ASGR1: variants seen among roughly 807,000 people sequenced by gnomAD.
ASGR1 encodes C-type lectin domain family 4 member H1.
Under a neutral mutation model 33.1 loss-of-function variants are expected in ASGR1, and 35 were observed. The observed-to-expected ratio is 1.06, with a 90% CI of 0.81 to 1.40. The LOEUF (loss-of-function observed/expected upper bound fraction) is 1.40, where lower values mean the gene tolerates loss of function less well. Among genes scored for constraint, ASGR1 ranks in the 40% most tolerant of loss-of-function variants. The pLI is 0.00. For missense variants in ASGR1, 396 were observed against 373.7 expected, an observed-to-expected ratio of 1.06 and a Z score of -0.49; for synonymous variants, 142 against 152.5, an observed-to-expected ratio of 0.93 and a Z score of 0.51.
rs372329653 is a variant in ASGR1 at position 7,176,439 on chromosome 17, TCTCA to T, written c.355+387_355+390del. 6.8e-3 allele frequency among the ~76,000 whole-genome samples: 858 copies of T among 126,802 alleles called. 11 individuals are homozygous for T. The highest frequency in any genetic ancestry group is 0.028 in the African/African-American group (809 of 28,802). The allele number at this position is 126,802 out of a possible 152,430, so 83.2% of individuals were successfully genotyped here. On this transcript the variant is annotated intron_variant, in intron 5 of 8. Transcript: ENST00000269299. The stretch of plus-strand genomic sequence containing the variant: ...CAGACACACTCCGTCATTCTCACAC[TCTCA>T]CACACACTCCCTCTCATTCCCACAG...
chr17:7,178,738 C>CTT (rs573140945), intron 1 of ASGR1, 150 bp from the exon 2 acceptor site: 426 of 90,794 alleles, frequency 4.7e-3, no homozygotes, highest in East Asian at 0.021. Context: ...TTTTTCTTTT[C>CTT]TTTTTTTTTT....
In ASGR1 at chr17:7,177,346, C is replaced by G; in HGVS notation, c.71-20G>C. The stretch of plus-strand genomic sequence containing the variant: ...GTGGCCCTGCAAGAGGAGGGGGTGT[C>G]AGGAGCGCGGGGACAGAGGGGACCC... On this transcript the variant is annotated intron_variant, in intron 2 of 8. Transcript: ENST00000269299. 1 of 1,607,430 alleles carries G rather than the reference C, an allele frequency of 6.2e-7. No homozygotes were observed. The highest frequency in any genetic ancestry group is 1.1e-5 in the South Asian group (1 of 90,732).
Position 7,173,869 on chromosome 17 carries a change from G to A in ASGR1, c.702-36C>T, listed in dbSNP as rs2069162903. 6 of 1,607,024 alleles carry A rather than the reference G, an allele frequency of 3.7e-6. No individual in the cohort carries two copies. Among genetic ancestry groups the A allele is most frequent in the Non-Finnish European group, 5.1e-6 (6 of 1,177,066 alleles). ...AGCCAGCTGTGGGCCCCAGGAGGTC[G>A]GATCCGCAGGCGGGTCGCTCCAGAC... On this transcript the variant is annotated intron_variant, in intron 8 of 8. Coordinates refer to ENST00000269299, the MANE Select transcript of ASGR1 (RefSeq NM_001671.5). The surrounding 1 kb of genome is among the most constrained non-coding windows in gnomAD (Gnocchi z 4.7).
rs751405683 is a variant in ASGR1 at position 7,174,475 on chromosome 17, C to T, written c.356-15G>A. On this transcript the variant is annotated splice_polypyrimidine_tract_variant and intron_variant, in intron 5 of 8. Coordinates refer to ENST00000269299, the MANE Select transcript of ASGR1 (RefSeq NM_001671.5). ...GCTGGAGTGATCTGGGGAGACCGGG[C>T]GGAGGGGAGCGGGAGGAGATGCGGA... The T allele has an allele frequency of 2.5e-6, 4 of 1,608,168 alleles. No homozygotes were observed. The highest frequency in any genetic ancestry group is 1.1e-5 in the South Asian group (1 of 90,416).
chr17:7,176,789 CTTT>C (rs745748253), intron 5 of ASGR1, 38 bp downstream of exon 5: 4 of 1,585,482 alleles, frequency 2.5e-6, no homozygotes, highest in African/African-American at 3.0e-5. Flanking sequence ...TTCTCACTCT[CTTT>C]CACACACACA....
At chr17:7,174,518 C>A in intron 5 of ASGR1, 58 bp from the exon 6 acceptor site, 1 of 1,552,562 alleles carries the variant, frequency 6.4e-7, no homozygotes, top group Non-Finnish European at 8.8e-7. Flanking sequence ...GGGAGGGAAA[C>A]GGGAAACGAG....
intron 2 of ASGR1, chr17:7,177,536 GCC>G (rs1567794547): frequency 3.9e-5 from 21 of 538,296 alleles, no homozygotes; most frequent in African/African-American, 3.4e-4. Flanking sequence ...TAAGCGCTGA[GCC>G]GCCCCATCCC....
chr17:7,176,157 A>G (rs533673882), intron 5 of ASGR1, among the ~76,000 whole-genome samples: 1 of 141,798 alleles, frequency 7.1e-6, no homozygotes, highest in Admixed American at 7.1e-5. Flanking sequence ...ATTCTCACAC[A>G]CAGACACACA....
At chr17:7,176,718 A>ACT (rs1177222137) in intron 5 of ASGR1, 112 bp downstream of exon 5, 1 of 1,442,802 alleles carries the variant, frequency 6.9e-7, no homozygotes, top group Admixed American at 1.8e-5. Flanking sequence ...ACACACACAC[A>ACT]CTCCCTCTCA....
Position 7,173,816 on chromosome 17 carries a change from T to C in ASGR1, c.719A>G (p.Gln240Arg). Residue 240 changes from glutamine to arginine, a missense_variant, in exon 9 of 9, where the codon CAG (glutamine) becomes CGG (arginine). Gln to Arg is a conservative substitution (Grantham distance 43). Transcript: ENST00000269299. This position sits in a 1 kb window ranked among gnomAD's most constrained non-coding sequence, Gnocchi z 4.7. The stretch of plus-strand genomic sequence containing the variant: ...CCCGTGGCCGTACCAGTCGTCCGGC[T>C]GCTCCGGCCTCCAGTTCCTGGGGAC... Reference protein sequence around the residue: ...ETGFKNWRPEQPDDWYGHGLG... With the variant: ...ETGFKNWRPERPDDWYGHGLG... 6.2e-7 allele frequency: 1 copy of C among 1,610,922 alleles called. No homozygotes were observed. Among genetic ancestry groups the C allele is most frequent in the Non-Finnish European group, 8.5e-7 (1 of 1,179,482 alleles).
At position 7,173,451 on chromosome 17, in the gene ASGR1, C is replaced by T. The variant is rs942980166; in HGVS notation, c.*208G>A. The T allele has an allele frequency of 9.3e-6, 5 of 535,446 alleles. No individual in the cohort carries two copies. In the East Asian group the frequency reaches 1.2e-4, roughly 13 times the overall value. 33.2% of individuals were successfully genotyped at this position (535,446 alleles called of 1,614,324 possible). ...GAAGGTTTAGGTATATTTCTTTTTA[C>T]TCTTAAAAAAAAAAAGTTCACAATG... On this transcript the variant is annotated 3_prime_UTR_variant, in exon 9 of 9. Coordinates refer to ENST00000269299, the MANE Select transcript of ASGR1 (RefSeq NM_001671.5). This position sits in a 1 kb window ranked among gnomAD's most constrained non-coding sequence, Gnocchi z 4.7.
At chr17:7,176,615 G>A (rs1250097213) in intron 5 of ASGR1, 5 of 612,210 alleles carry the variant, frequency 8.2e-6, no homozygotes, top group South Asian at 5.7e-5. Context: ...CACACTCACA[G>A]ACATACACAC....
At chr17:7,177,627 C>T (rs1009861581) in intron 2 of ASGR1, 1 of 309,300 alleles carries the variant, frequency 3.2e-6, no homozygotes, top group Non-Finnish European at 6.0e-6. Flanking sequence ...CAGTCCACCC[C>T]CTCCTCCCGC....
Position 7,177,073 on chromosome 17 carries a change from G to C in ASGR1, c.191C>G (p.Ser64Cys). The change falls in exon 4 of 9, where the codon TCC becomes TGC. Residue 64 changes from serine to cysteine, a missense_variant. By Grantham distance (112) the Ser-to-Cys change is moderately radical. Coordinates refer to ENST00000269299, the MANE Select transcript of ASGR1 (RefSeq NM_001671.5). ...GCCCCGCAGCTCCTCCTGCAGCTGG[G>C]AGTCTGGCCAGGACAGCGTGCAGAG... ...VVVCVIGSQN[S>C]QLQEELRGLR... The C allele has an allele frequency of 6.2e-7, 1 of 1,613,808 alleles. No homozygotes were observed. Among genetic ancestry groups the C allele is most frequent in the Non-Finnish European group, 8.5e-7 (1 of 1,180,012 alleles).
At chr17:7,178,360 C>A (rs2069240153) in intron 2 of ASGR1, 134 bp downstream of exon 2, 1 of 944,338 alleles carries the variant, frequency 1.1e-6, no homozygotes, top group Non-Finnish European at 1.7e-6. Flanking sequence ...AGTTCCGACA[C>A]CTTTCCCAGT....
chr17:7,173,976 T>A lies in ASGR1; in HGVS notation c.686A>T (p.Tyr229Phe), dbSNP rs756483196. The A allele has an allele frequency of 6.2e-7, 1 of 1,614,070 alleles. No individual in the cohort carries two copies. Among genetic ancestry groups the A allele is most frequent in the Non-Finnish European group, 8.5e-7 (1 of 1,179,998 alleles). Residue 229 changes from tyrosine to phenylalanine, a missense_variant, in exon 8 of 9, where the codon TAC becomes TTC. Physicochemically the swap from Tyr to Phe is conservative, Grantham distance 22 (BLOSUM62 3). Transcript: ENST00000269299. This position sits in a 1 kb window ranked among gnomAD's most constrained non-coding sequence, Gnocchi z 4.7. ...GPWKWVDGTD[Y>F]ETGFKNWRPE... ...GCGCACTCACTTGAAGCCCGTCTCG[T>A]AGTCCGTCCCGTCCACCCACTTCCA...
chr17:7,173,720 G>C lies in ASGR1; in HGVS notation c.815C>G (p.Pro272Arg). Residue 272 changes from proline to arginine, a missense_variant, in exon 9 of 9, where the codon CCC becomes CGC. By Grantham distance (103) the Pro-to-Arg change is moderately radical. Transcript: ENST00000269299. The surrounding 1 kb of genome is among the most constrained non-coding windows in gnomAD (Gnocchi z 4.7). ...GRWNDDVCQR[P>R]YRWVCETELD... ...CTCTGTCTCGCAGACCCAGCGGTAGGGCCTCTGGCAGACGTCGTCGTTCCA... is the reference window on the plus strand; with the variant it reads ...CTCTGTCTCGCAGACCCAGCGGTAGCGCCTCTGGCAGACGTCGTCGTTCCA... The C allele has an allele frequency of 1.2e-6, 2 of 1,613,890 alleles. 1 individual carries two copies. The highest frequency in any genetic ancestry group is 1.7e-6 in the Non-Finnish European group (2 of 1,180,034).
chr17:7,178,687 A>ATCATGGAG, intron 1 of ASGR1, 99 bp from the exon 2 acceptor site: 1 of 666,736 alleles, frequency 1.5e-6, no homozygotes, highest in South Asian at 2.4e-5. Context: ...TGACGGCTCC[A>ATCATGGAG]TCATGGAGAC....
chr17:7,176,103 CTCTCAT>C, intron 5 of ASGR1, among the ~76,000 whole-genome samples: 1 of 150,574 alleles, frequency 6.6e-6, no homozygotes, highest in Admixed American at 6.6e-5. Flanking sequence ...CACACACTCC[CTCTCAT>C]TCTCACACTC....
Sources: gnomAD v4.1 joint callset for allele counts (sites outside exome capture counted in the v4.1 genomes callset) on GRCh38, gnomAD v4.1.1 for gene constraint, Gnocchi (gnomAD v3.1) non-coding constraint, MANE v1.5 for transcripts, NCBI Gene and HGNC (gene_info 2026-07-23, HGNC 2026-07-21) for gene names.